NEGR1: variants seen among roughly 807,000 people sequenced by gnomAD.
NEGR1 encodes neuronal growth regulator 1.
Under a neutral mutation model 40.9 loss-of-function variants are expected in NEGR1, and 10 were observed. The observed-to-expected ratio is 0.24, with a 90% CI of 0.15 to 0.42. The LOEUF (loss-of-function observed/expected upper bound fraction) is 0.42, where lower values mean the gene tolerates loss of function less well. NEGR1 is among the 10% of genes least tolerant of loss of function. NEGR1 has a pLI of 1.00. For synonymous variants in NEGR1, 185 were observed against 166.8 expected (o/e 1.11, Z -0.84); for missense variants, 352 against 438.9 (o/e 0.80, Z 1.77).
intron 1 of NEGR1, among the ~76,000 whole-genome samples, chr1:71,938,285 A>G (rs574440684): frequency 5.9e-5 from 9 of 152,124 alleles, no homozygotes; most frequent in African/African-American, 2.2e-4. Flanking sequence ...AGACTTGGCT[A>G]TGTTATGAAA....
intron 1 of NEGR1, among the ~76,000 whole-genome samples, chr1:72,078,324 A>G (rs1290689839): frequency 1.3e-5 from 2 of 152,166 alleles, no homozygotes; most frequent in Non-Finnish European, 2.9e-5. Flanking sequence ...AAAAATGACT[A>G]AAAACATTCT....
chr1:71,585,279 T>C (rs1649265947), intron 6 of NEGR1, among the ~76,000 whole-genome samples: 1 of 152,156 alleles, frequency 6.6e-6, no homozygotes, highest in Non-Finnish European at 1.5e-5. Flanking sequence ...TCTTAGGATC[T>C]GAAAACATTA....
At chr1:72,132,092 C>CT (rs1203806410) in intron 1 of NEGR1, among the ~76,000 whole-genome samples, 4 of 152,096 alleles carry the variant, frequency 2.6e-5, no homozygotes, top group African/African-American at 9.7e-5. Context: ...GAGCAAGACT[C>CT]TGTCTCAAAA....
chr1:71,454,560 T>A lies in NEGR1; in HGVS notation c.941-46990A>T, dbSNP rs200142912. On this transcript the variant is annotated intron_variant, in intron 6 of 6. Transcript: ENST00000357731. ...AAATATCCAGGTTTCCTTGTGGTTT[T>A]AAAAAAATTTACCTTCCACTCTTAC... 3.2e-4 allele frequency among the ~76,000 whole-genome samples: 48 copies of A among 151,942 alleles called. 1 individual carries two copies. The East Asian group carries it at 7.8e-3, about 25-fold the overall frequency.
chr1:72,229,064 A>C (rs2100495104), intron 1 of NEGR1, among the ~76,000 whole-genome samples: 1 of 152,224 alleles, frequency 6.6e-6, no homozygotes. Context: ...CAGTAAAATT[A>C]AATTCCAAAT....
intron 2 of NEGR1, among the ~76,000 whole-genome samples, chr1:71,793,002 TGAG>T (rs969701270): frequency 1.3e-5 from 2 of 151,494 alleles, no homozygotes; most frequent in African/African-American, 4.8e-5. Context: ...CAATGGAATG[TGAG>T]GAGAAGTGAT....
chr1:71,826,177 TC>T (rs1402547296), intron 2 of NEGR1, among the ~76,000 whole-genome samples: 1 of 151,974 alleles, frequency 6.6e-6, no homozygotes, highest in Non-Finnish European at 1.5e-5. Context: ...TTCTCAGTTT[TC>T]TTTTCCGTTC....
chr1:71,578,505 G>A (rs1316930636), intron 6 of NEGR1, among the ~76,000 whole-genome samples: 1 of 151,928 alleles, frequency 6.6e-6, no homozygotes. Flanking sequence ...TATCAATCAG[G>A]CAATTCTCTA....
intron 2 of NEGR1, among the ~76,000 whole-genome samples, chr1:71,824,155 A>G (rs903433700): frequency 1.3e-5 from 2 of 151,828 alleles, no homozygotes; most frequent in African/African-American, 4.8e-5. Context: ...AAAATTGGCT[A>G]CTCTTGCACA....
chr1:71,412,364 C>G (rs1193674534), intron 6 of NEGR1, among the ~76,000 whole-genome samples: 1 of 152,120 alleles, frequency 6.6e-6, no homozygotes, highest in Non-Finnish European at 1.5e-5. Flanking sequence ...TTCCATGAGG[C>G]CATCCCCAAT....
At chr1:72,242,126 C>G (rs1654765003) in intron 1 of NEGR1, among the ~76,000 whole-genome samples, 1 of 151,580 alleles carries the variant, frequency 6.6e-6, no homozygotes, top group African/African-American at 2.4e-5. Context: ...ATAGAATATC[C>G]TTGATGCTAA....
At chr1:71,771,451 A>G (rs1010469872) in intron 3 of NEGR1, among the ~76,000 whole-genome samples, 1 of 152,094 alleles carries the variant, frequency 6.6e-6, no homozygotes, top group African/African-American at 2.4e-5. Flanking sequence ...GTATCATAAA[A>G]CAAAAATGGA....
intron 1 of NEGR1, among the ~76,000 whole-genome samples, chr1:72,157,882 G>C (rs1651416249): frequency 6.6e-6 from 1 of 152,108 alleles, no homozygotes; most frequent in Non-Finnish European, 1.5e-5. Flanking sequence ...ACCTACTTAA[G>C]AATAAAACTA....
At chr1:72,005,330 T>G (rs1046264267) in intron 1 of NEGR1, among the ~76,000 whole-genome samples, 3 of 152,148 alleles carry the variant, frequency 2.0e-5, no homozygotes, top group Non-Finnish European at 4.4e-5. Context: ...CCACGCTATA[T>G]ATAAACAAAC....
At chr1:71,546,834 T>C (rs917919522) in intron 6 of NEGR1, among the ~76,000 whole-genome samples, 2 of 151,604 alleles carry the variant, frequency 1.3e-5, no homozygotes, top group Non-Finnish European at 3.0e-5. Flanking sequence ...CCTGCAGGAC[T>C]TGAGGAACAA....
chr1:72,247,274 A>C (rs968611172), intron 1 of NEGR1, among the ~76,000 whole-genome samples: 41 of 152,238 alleles, frequency 2.7e-4, no homozygotes, highest in African/African-American at 9.4e-4. Context: ...CTTTAAAGAA[A>C]AAGAAAGCTT....
At chr1:71,573,802 A>G (rs368401087) in intron 6 of NEGR1, among the ~76,000 whole-genome samples, 14 of 152,292 alleles carry the variant, frequency 9.2e-5, no homozygotes, top group Admixed American at 7.9e-4. Flanking sequence ...TTGAAATCGA[A>G]GCCCAGAATC....
rs562996467 is a variant in NEGR1 at position 71,901,376 on chromosome 1, G to T, written c.409+33703C>A. ...ATCTGGTACATTTCTTATTTATCAC[G>T]CATCTTTCTTCGCTAGAATGTAGGC... On this transcript the variant is annotated intron_variant, in intron 2 of 6. Transcript: ENST00000357731. Among the ~76,000 whole-genome samples, 10 of 152,146 alleles carry T rather than the reference G, an allele frequency of 6.6e-5. No homozygotes were observed. The South Asian group carries it at 1.5e-3, about 22-fold the overall frequency.
At chr1:71,696,087 T>C (rs1283106190) in intron 4 of NEGR1, among the ~76,000 whole-genome samples, 3 of 151,742 alleles carry the variant, frequency 2.0e-5, no homozygotes, top group Admixed American at 6.6e-5. Context: ...GTCCACTGTA[T>C]CCATGAAACT....
Sources: gnomAD v4.1 joint callset for allele counts (sites outside exome capture counted in the v4.1 genomes callset) on GRCh38, gnomAD v4.1.1 for gene constraint, MANE v1.5 for transcripts, NCBI Gene and HGNC (gene_info 2026-07-23, HGNC 2026-07-21) for gene names.